DMC1: variants seen among roughly 807,000 people sequenced by gnomAD.
The protein encoded by DMC1 is meiotic recombination protein DMC1 homolog.
In DMC1, 27 loss-of-function variants were observed where a neutral mutation model predicts 50.1. The observed-to-expected ratio is 0.54, with a 90% CI of 0.40 to 0.74. The LOEUF (loss-of-function observed/expected upper bound fraction) is 0.74. DMC1 is among the 30% of genes least tolerant of loss of function. The pLI is 0.00. For missense variants in DMC1, 295 were observed against 420.2 expected, an observed-to-expected ratio of 0.70 and a Z score of 2.60; for synonymous variants, 148 against 136.1, an observed-to-expected ratio of 1.09 and a Z score of -0.61.
intron 12 of DMC1, 21 bp downstream of exon 12, chr22:38,537,571 A>T (rs770408952): frequency 6.2e-7 from 1 of 1,609,174 alleles, no homozygotes; most frequent in African/African-American, 1.3e-5. Flanking sequence ...GTGAAATAAA[A>T]AGTAGAATAT....
chr22:38,521,568 C>A, intron 13 of DMC1, 40 bp downstream of exon 13: 2 of 1,172,248 alleles, frequency 1.7e-6, no homozygotes, highest in African/African-American at 1.5e-5. Flanking sequence ...CACACACACA[C>A]ACACACACAC....
chr22:38,519,522 C>T lies in DMC1; in HGVS notation c.*498G>A, dbSNP rs1258697885. 1 of 163,268 alleles carries T rather than the reference C, an allele frequency of 6.1e-6. No individual in the cohort carries two copies. Among genetic ancestry groups the T allele is most frequent in the African/African-American group, 2.4e-5 (1 of 41,524 alleles). The allele number at this position is 163,268 out of a possible 1,614,324, so 10.1% of individuals were successfully genotyped here. A position where few individuals can be genotyped will look rare whatever the true frequency, so the allele number is the denominator to read the frequency against. On this transcript the variant is annotated 3_prime_UTR_variant, in exon 14 of 14. Transcript: ENST00000216024. ...GTGTGTGTCCTATAAACATTCCTCC[C>T]TTAAATCCTCTTGTGGAAAAACATC...
intron 13 of DMC1, 99 bp downstream of exon 13, chr22:38,521,509 G>A (rs1199884787): frequency 2.5e-6 from 2 of 815,946 alleles, no homozygotes; most frequent in Non-Finnish European, 3.9e-6. Flanking sequence ...TTTGAGACCA[G>A]CTCGGGCAAC....
In DMC1 at chr22:38,519,983, A is replaced by G; in HGVS notation, c.*37T>C. On this transcript the variant is annotated 3_prime_UTR_variant, in exon 14 of 14. Coordinates refer to ENST00000216024, the MANE Select transcript of DMC1 (RefSeq NM_007068.4). ...CTGCTTTTCCATTTCTTCAGCTCCT[A>G]ATAAGCACTAAGAAGCAATTTGCAT... The G allele has an allele frequency of 6.5e-7, 1 of 1,546,070 alleles. No individual in the cohort carries two copies. Among genetic ancestry groups the G allele is most frequent in the Non-Finnish European group, 8.9e-7 (1 of 1,118,512 alleles).
At chr22:38,517,253 C>T (rs2089982322), downstream of DMC1, among the ~76,000 whole-genome samples, 1 of 152,130 alleles carries the variant, frequency 6.6e-6, no homozygotes, top group Non-Finnish European at 1.5e-5. Context: ...GCAGTCTCTC[C>T]CCAGCTAGAA....
intron 1 of DMC1, chr22:38,569,232 T>C (rs2090613025): frequency 6.6e-6 from 1 of 151,474 alleles, no homozygotes; most frequent in East Asian, 1.9e-4. Context: ...TTAAGGCTGA[T>C]AAGCAGTTAA....
chr22:38,535,316 A>C (rs572098324), intron 12 of DMC1, among the ~76,000 whole-genome samples: 1 of 152,116 alleles, frequency 6.6e-6, no homozygotes, highest in Non-Finnish European at 1.5e-5. Context: ...AAAAAAGAAA[A>C]AGAAAAACAA....
intron 12 of DMC1, among the ~76,000 whole-genome samples, chr22:38,528,408 C>G (rs2090119178): frequency 6.6e-6 from 1 of 151,992 alleles, no homozygotes; most frequent in Non-Finnish European, 1.5e-5. Flanking sequence ...GTGCCAGGAA[C>G]TGTACCTGTT....
At chr22:38,548,840 T>A (rs2090372834) in intron 8 of DMC1, among the ~76,000 whole-genome samples, 1 of 149,424 alleles carries the variant, frequency 6.7e-6, no homozygotes, top group Non-Finnish European at 1.5e-5. Context: ...AGACACTGTC[T>A]CAAAAAAAAA....
chr22:38,511,759 C>T, the DMC1 span, among the ~76,000 whole-genome samples: 1 of 152,130 alleles, frequency 6.6e-6, no homozygotes, highest in African/African-American at 2.4e-5. Context: ...CATCACCATG[C>T]CTGGCTCCTT....
rs551888726 is a variant in DMC1, at chr22:38,562,102, A to C, written c.326+185T>G. Among the ~76,000 whole-genome samples, 178 of 152,276 alleles carry C rather than the reference A, an allele frequency of 1.2e-3. No homozygotes were observed. The Middle Eastern group carries it at 0.014, about 12-fold the overall frequency. ...GGTCTGAATTTCTTGTAAGACATTT[A>C]ATCTTGCTCCTCCAAGCAGTCTAGA... is the stretch of plus-strand genomic sequence containing the variant. On this transcript the variant is annotated intron_variant, in intron 5 of 13. Coordinates refer to ENST00000216024, the MANE Select transcript of DMC1 (RefSeq NM_007068.4).
chr22:38,529,759 G>A (rs1266279954), intron 12 of DMC1, among the ~76,000 whole-genome samples: 2 of 152,158 alleles, frequency 1.3e-5, no homozygotes, highest in African/African-American at 4.8e-5. Context: ...AGTATTCTGA[G>A]CCTCTGTTTC....
intron 8 of DMC1, among the ~76,000 whole-genome samples, chr22:38,548,778 G>A (rs778749396): frequency 6.6e-5 from 10 of 152,036 alleles, no homozygotes; most frequent in Non-Finnish European, 1.2e-4. Flanking sequence ...GGAAGCTGAG[G>A]TTGCAGTGAG....
At chr22:38,540,012 T>C (rs1240996567) in intron 8 of DMC1, among the ~76,000 whole-genome samples, 3 of 152,198 alleles carry the variant, frequency 2.0e-5, no homozygotes, top group African/African-American at 7.2e-5. Flanking sequence ...AAAGGTAACT[T>C]CAAGGGCCCA....
intron 12 of DMC1, among the ~76,000 whole-genome samples, chr22:38,526,608 C>T (rs779699658): frequency 6.6e-6 from 1 of 151,824 alleles, no homozygotes; most frequent in Non-Finnish European, 1.5e-5. Context: ...TACACACATA[C>T]AAAAATTTTT....
chr22:38,550,930 CAA>C (rs60295497), intron 7 of DMC1, among the ~76,000 whole-genome samples: 6 of 57,778 alleles, frequency 1.0e-4, no homozygotes, highest in Admixed American at 4.7e-4. Context: ...GACTCCATCT[CAA>C]AAAAAAAAAA....
At chr22:38,524,731 G>A (rs933005552) in intron 12 of DMC1, among the ~76,000 whole-genome samples, 2 of 152,126 alleles carry the variant, frequency 1.3e-5, no homozygotes, top group Admixed American at 1.3e-4. Flanking sequence ...CTGGTTCCCT[G>A]AAACAGTAGA....
intron 12 of DMC1, among the ~76,000 whole-genome samples, chr22:38,522,063 T>G (rs993078188): frequency 5.9e-5 from 9 of 151,894 alleles, no homozygotes; most frequent in Non-Finnish European, 1.5e-5. Flanking sequence ...GCGATTCTCC[T>G]GTCTCAGCCT....
At chr22:38,531,036 C>T (rs1392075025) in intron 12 of DMC1, among the ~76,000 whole-genome samples, 1 of 152,144 alleles carries the variant, frequency 6.6e-6, no homozygotes, top group Non-Finnish European at 1.5e-5. Context: ...TGCCATTGCA[C>T]TCCAGCCTGG....
Sources: allele counts gnomAD v4.1 joint callset (sites outside exome capture counted in the v4.1 genomes callset), GRCh38; gene constraint gnomAD v4.1.1; transcripts MANE v1.5; gene names NCBI Gene and HGNC (gene_info 2026-07-23, HGNC 2026-07-21).